Variants in SARS2 observed in about 807,000 individuals in gnomAD.
SARS2 encodes the protein serine--tRNA ligase, mitochondrial.
A neutral mutation model predicts 66.8 loss-of-function variants in SARS2; 52 were observed. The observed-to-expected ratio is 0.78, with a 90% CI of 0.62 to 0.98. SARS2 has a LOEUF of 0.98. Ranked by LOEUF, SARS2 falls within the 50% of genes least tolerant of loss-of-function variation. The probability of loss-of-function intolerance (pLI) is 0.00; values close to 1 mark genes in which losing one functional copy is unlikely to be tolerated. For synonymous variants in SARS2, 306 were observed against 281.4 expected (o/e 1.09, Z -0.87); for missense variants, 673 against 706.3 (o/e 0.95, Z 0.53).
intron 2 of SARS2, 90 bp from the exon 3 acceptor site, chr19:38,922,357 G>A (rs1974552956): frequency 7.9e-7 from 1 of 1,260,618 alleles, no homozygotes; most frequent in African/African-American, 1.5e-5. Context: ...CAAGGCCAGA[G>A]GATCTTAGTC....
chr19:38,921,527 C>T lies in SARS2; in HGVS notation c.534G>A (p.Val178=), dbSNP rs1795564871. The T allele has an allele frequency of 6.2e-7, 1 of 1,614,058 alleles. No homozygotes were observed. The highest frequency in any genetic ancestry group is 1.1e-5 in the South Asian group (1 of 91,088). Residue 178 remains valine, a splice_region_variant and synonymous_variant, in exon 4 of 16, where the codon GTG becomes GTA. Transcript: ENST00000221431. ...LKLPNQTHPD[V]PVGDESQARV... ...CCCTGCCACCCAGCACGGTGCTCAC[C>T]ACGTCTGGGTGGGTCTGGTTGGGCA... is the stretch of plus-strand genomic sequence containing the variant.
rs1392466820 is a variant in SARS2, at chr19:38,930,740, G to A, written c.-4C>T. 1.2e-6 allele frequency: 2 copies of A among 1,612,860 alleles called. No individual in the cohort carries two copies. Among genetic ancestry groups the A allele is most frequent in the African/African-American group, 1.3e-5 (1 of 75,070 alleles). On this transcript the variant is annotated 5_prime_UTR_variant, in exon 1 of 16. Transcript: ENST00000221431. Reference sequence around the variant, plus strand: ...GCCGCGCCATGGACGCAGCCATCTTGGACCGGGAACAAGGCGGCACTTCGT... The same window carrying A: ...GCCGCGCCATGGACGCAGCCATCTTAGACCGGGAACAAGGCGGCACTTCGT...
rs1974487387 is a variant in SARS2, at chr19:38,919,874, GAC to G, written c.654-9_654-8del. ...AGACACGTGGGACAGGCGCCTGGGA[GAC>G]AGACAGACAGGCGGGTGCACATGGG... On this transcript the variant is annotated splice_region_variant and splice_polypyrimidine_tract_variant and intron_variant, in intron 6 of 15. Transcript: ENST00000221431. 6.2e-7 allele frequency: 1 copy of G among 1,610,320 alleles called. No individual in the cohort carries two copies. Among genetic ancestry groups the G allele is most frequent in the African/African-American group, 1.3e-5 (1 of 74,960 alleles).
Position 38,922,227 on chromosome 19 carries a change from C to T in SARS2, c.393+11G>A, listed in dbSNP as rs768664859. On this transcript the variant is annotated intron_variant, in intron 3 of 15. Coordinates refer to ENST00000221431, the MANE Select transcript of SARS2 (RefSeq NM_017827.4). Reference sequence around the variant, plus strand: ...CCCAACCCTGGATAGGACATCAACTCTTCACAGTACCTGCTGCACTTCACC... The same window carrying T: ...CCCAACCCTGGATAGGACATCAACTTTTCACAGTACCTGCTGCACTTCACC... 11 of 1,613,980 alleles carry T rather than the reference C, an allele frequency of 6.8e-6. No individual in the cohort carries two copies. The highest frequency in any genetic ancestry group is 9.3e-6 in the Non-Finnish European group (11 of 1,179,912).
In SARS2 at chr19:38,915,698, G is replaced by C. The variant is rs374192795; in HGVS notation, c.1465C>G (p.Arg489Gly). The change falls in exon 16 of 16, where the codon CGG becomes GGG. Residue 489 changes from arginine to glycine, a missense_variant. Transcript: ENST00000221431. ...GGCACGTGGGTAGGGGCTGTGATCC[G>C]ATCAGTGCCGAGGTAGGACTGGAGG... Reference protein sequence around the residue: ...PALQSYLGTDRITAPTHVPLQ... With the variant: ...PALQSYLGTDGITAPTHVPLQ... 4 of 1,613,142 alleles carry C rather than the reference G, an allele frequency of 2.5e-6. No individual in the cohort carries two copies. Among genetic ancestry groups the C allele is most frequent in the South Asian group, 2.2e-5 (2 of 91,048 alleles).
intron 5 of SARS2, among the ~76,000 whole-genome samples, chr19:38,920,912 C>T (rs1045460029): frequency 2.0e-5 from 3 of 151,178 alleles, no homozygotes; most frequent in Non-Finnish European, 3.0e-5. Flanking sequence ...CACAGATATA[C>T]ACACACAGAG....
chr19:38,929,865 C>T (rs1974699797), intron 1 of SARS2, among the ~76,000 whole-genome samples: 2 of 152,212 alleles, frequency 1.3e-5, no homozygotes, highest in South Asian at 4.1e-4. Flanking sequence ...GAACCCGGTC[C>T]TAATTCCCTT....
rs184903858 is a variant in SARS2, at chr19:38,924,856, A to C, written c.363+1349T>G. On this transcript the variant is annotated intron_variant, in intron 2 of 15. Coordinates refer to ENST00000221431, the MANE Select transcript of SARS2 (RefSeq NM_017827.4). Reference sequence around the variant, plus strand: ...AGGGCCTCACTTTTTCCCAGCTGTAAAATTGGGTTTGTATTGTTCCTGTGT... The same window carrying C: ...AGGGCCTCACTTTTTCCCAGCTGTACAATTGGGTTTGTATTGTTCCTGTGT... 7.2e-5 allele frequency among the ~76,000 whole-genome samples: 11 copies of C among 152,252 alleles called. No homozygotes were observed. In the East Asian group the frequency reaches 2.1e-3, roughly 29 times the overall value.
Position 38,930,453 on chromosome 19 carries a change from G to A in SARS2, c.267+17C>T, listed in dbSNP as rs1974716158. The A allele has an allele frequency of 1.9e-6, 3 of 1,582,250 alleles. No individual in the cohort carries two copies. The highest frequency in any genetic ancestry group is 2.3e-5 in the East Asian group (1 of 44,346). On this transcript the variant is annotated intron_variant, in intron 1 of 15. Coordinates refer to ENST00000221431, the MANE Select transcript of SARS2 (RefSeq NM_017827.4). ...AAGCAAACGTCTGCGCCCCCCGGCC[G>A]GCGCAGGCGCACTCACGATCGCGGG...
chr19:38,921,684 T>A lies in SARS2; in HGVS notation c.394-17A>T. The A allele has an allele frequency of 6.2e-7, 1 of 1,613,796 alleles. No individual in the cohort carries two copies. The highest frequency in any genetic ancestry group is 1.7e-4 in the Middle Eastern group (1 of 6,038). On this transcript the variant is annotated splice_polypyrimidine_tract_variant and intron_variant, in intron 3 of 15. Transcript: ENST00000221431. ...CTTGGGGTCCTGGGGGCAGCACAGG[T>A]GGGCTCAGCCCGGGAGAGGGTCAGG...
chr19:38,915,680 G>A lies in SARS2; in HGVS notation c.1483C>T (p.His495Tyr), dbSNP rs201526722. 12 of 1,613,308 alleles carry A rather than the reference G, an allele frequency of 7.4e-6. No individual in the cohort carries two copies. Among genetic ancestry groups the A allele is most frequent in the East Asian group, 2.2e-5 (1 of 44,850 alleles). ...LGTDRITAPT[H>Y]VPLQYIGPNQ... ...GGGCCGATGTACTGGAGAGGCACGT[G>A]GGTAGGGGCTGTGATCCGATCAGTG... The change falls in exon 16 of 16, where the codon CAC becomes TAC. Residue 495 changes from histidine to tyrosine, a missense_variant. By Grantham distance (83) the His-to-Tyr change is moderately conservative. Transcript: ENST00000221431.
rs947021117 is a variant in SARS2 at position 38,921,466 on chromosome 19, G to C, written c.535-20C>G. 1.2e-6 allele frequency: 2 copies of C among 1,614,160 alleles called. No individual in the cohort carries two copies. The highest frequency in any genetic ancestry group is 1.7e-6 in the Non-Finnish European group (2 of 1,180,026). ...GACGGGCTGCAGGGAGACAGCAGGAGTCACGGAAAGGTGGCACTAGGTGGG... is the reference window on the plus strand; with the variant it reads ...GACGGGCTGCAGGGAGACAGCAGGACTCACGGAAAGGTGGCACTAGGTGGG... On this transcript the variant is annotated intron_variant, in intron 4 of 15. Coordinates refer to ENST00000221431, the MANE Select transcript of SARS2 (RefSeq NM_017827.4).
chr19:38,917,752 T>G lies in SARS2; in HGVS notation c.1132A>C (p.Ile378Leu). The part of the protein sequence containing the change: ...LEEFLSLQME[I>L]LTELGLHFRV... ...AAGTGCAAGCCCAGCTCTGTCAAGA[T>G]CTCCATCTGAAGGGACAGGAACTCC... is the stretch of plus-strand genomic sequence containing the variant. Residue 378 changes from isoleucine (I) to leucine (L), a missense_variant, in exon 12 of 16, where the codon ATC becomes CTC. By Grantham distance (5) the Ile-to-Leu change is conservative. Coordinates refer to ENST00000221431, the MANE Select transcript of SARS2 (RefSeq NM_017827.4). 1 of 1,598,704 alleles carries G rather than the reference T, an allele frequency of 6.3e-7. No individual in the cohort carries two copies. The highest frequency in any genetic ancestry group is 1.3e-5 in the African/African-American group (1 of 74,176).
chr19:38,924,352 C>G (rs1974594085), intron 2 of SARS2, among the ~76,000 whole-genome samples: 1 of 152,164 alleles, frequency 6.6e-6, no homozygotes, highest in African/African-American at 2.4e-5. Flanking sequence ...ATCTCTGCCC[C>G]CTCTGAGCCT....
At chr19:38,916,809 T>C (rs902085833) in intron 12 of SARS2, among the ~76,000 whole-genome samples, 16 of 152,054 alleles carry the variant, frequency 1.1e-4, no homozygotes, top group African/African-American at 3.4e-4. Flanking sequence ...ATTACAGGTG[T>C]GTGCCACCAT....
At chr19:38,919,966 C>T in intron 6 of SARS2, 99 bp from the exon 7 acceptor site, 1 of 1,366,218 alleles carries the variant, frequency 7.3e-7, no homozygotes, top group Non-Finnish European at 1.0e-6. Flanking sequence ...CTGGGTGGGG[C>T]TGGGGCATCA....
At chr19:38,925,306 C>T (rs1034221467) in intron 2 of SARS2, among the ~76,000 whole-genome samples, 6 of 152,120 alleles carry the variant, frequency 3.9e-5, no homozygotes, top group African/African-American at 9.7e-5. Flanking sequence ...GAGTGAGACT[C>T]GGTCTCAAAA....
chr19:38,925,626 T>G (rs1974613565), intron 2 of SARS2, among the ~76,000 whole-genome samples: 1 of 152,206 alleles, frequency 6.6e-6, no homozygotes, highest in East Asian at 1.9e-4. Context: ...GAGGAGATGC[T>G]GGACTACAGC....
chr19:38,919,794 C>T lies in SARS2; in HGVS notation c.727G>A (p.Val243Ile). The T allele has an allele frequency of 6.2e-7, 1 of 1,614,152 alleles. No individual in the cohort carries two copies. Among genetic ancestry groups the T allele is most frequent in the Non-Finnish European group, 8.5e-7 (1 of 1,180,010 alleles). Residue 243 changes from valine to isoleucine, a missense_variant, in exon 7 of 16, where the codon GTC (valine) becomes ATC (isoleucine). Coordinates refer to ENST00000221431, the MANE Select transcript of SARS2 (RefSeq NM_017827.4). ...GAGALLQHGL[V>I]NFTFNKLLRR... ...AGAAGCTTGTTGAATGTGAAGTTGA[C>T]CAGGCCGTGCTGCAGGAGGGCTCCA...
Sources: gnomAD v4.1 joint callset for allele counts (sites outside exome capture counted in the v4.1 genomes callset) on GRCh38, gnomAD v4.1.1 for gene constraint, MANE v1.5 for transcripts, NCBI Gene and HGNC (gene_info 2026-07-23, HGNC 2026-07-21) for gene names.